The following NTSR1 variants were observed in gnomAD, a reference collection of about 807,000 sequenced individuals.
NTSR1 encodes neurotensin receptor type 1.
A neutral mutation model predicts 31.2 loss-of-function variants in NTSR1; 29 were observed. That is an observed-to-expected ratio of 0.93 (90% CI 0.69 to 1.27). NTSR1 has a LOEUF of 1.27. Among genes scored for constraint, NTSR1 ranks in the 50% most tolerant of loss-of-function variants. NTSR1 has a pLI of 0.00. For synonymous variants in NTSR1, 282 were observed against 269.9 expected, an observed-to-expected ratio of 1.04 and a Z score of -0.44; for missense variants, 697 against 595.4, an observed-to-expected ratio of 1.17 and a Z score of -1.78.
At chr20:62,752,456 G>A (rs913690366) in intron 1 of NTSR1, among the ~76,000 whole-genome samples, 2 of 152,104 alleles carry the variant, frequency 1.3e-5, no homozygotes, top group African/African-American at 4.8e-5. Flanking sequence ...TGGGCAGGTG[G>A]GGGAGGCGGG....
intron 1 of NTSR1, among the ~76,000 whole-genome samples, chr20:62,730,116 G>T (rs1988978435): frequency 6.6e-6 from 1 of 152,144 alleles, no homozygotes; most frequent in African/African-American, 2.4e-5. Flanking sequence ...ATTAAGGAAA[G>T]TCTGCAGTTT....
chr20:62,757,525 G>A (rs961768406), intron 2 of NTSR1, among the ~76,000 whole-genome samples: 11 of 152,286 alleles, frequency 7.2e-5, no homozygotes, highest in East Asian at 3.9e-4. Flanking sequence ...TTGGCTGTCC[G>A]GGATCCTTTG....
At position 62,708,926 on chromosome 20, in the gene NTSR1, A is replaced by C; in HGVS notation, c.-282A>C. ...GGTTTGGAGATCGGAGGCACCTGGAACCCGTGGCAAGCGCCGAGCCGGGAG... is the reference window on the plus strand; with the variant it reads ...GGTTTGGAGATCGGAGGCACCTGGACCCCGTGGCAAGCGCCGAGCCGGGAG... On this transcript the variant is annotated 5_prime_UTR_variant, in exon 1 of 4. Coordinates refer to ENST00000370501, the MANE Select transcript of NTSR1 (RefSeq NM_002531.3). This position sits in a 1 kb window ranked among gnomAD's most constrained non-coding sequence, Gnocchi z 5.9. 1 of 373,526 alleles carries C rather than the reference A, an allele frequency of 2.7e-6. No homozygotes were observed. 23.1% of individuals were successfully genotyped at this position (373,526 alleles called of 1,614,324 possible).
intron 2 of NTSR1, among the ~76,000 whole-genome samples, chr20:62,756,319 G>A (rs1989512449): frequency 6.6e-6 from 1 of 152,236 alleles, no homozygotes; most frequent in African/African-American, 2.4e-5. Flanking sequence ...CTGGAGCAAA[G>A]GCCCTGTGGT....
rs1299651712 is a variant in NTSR1 at position 62,714,457 on chromosome 20, A to G, written c.714+4536A>G. ...GAAGAAGGAGCAGGATGGTCAGAAT[A>G]CCACCCATCAGGTGCAATCCTCATA... On this transcript the variant is annotated intron_variant, in intron 1 of 3. Transcript: ENST00000370501. The surrounding 1 kb of genome is among the most constrained non-coding windows in gnomAD (Gnocchi z 4.1). 1.3e-5 allele frequency among the ~76,000 whole-genome samples: 2 copies of G among 152,226 alleles called. No homozygotes were observed.
intron 1 of NTSR1, among the ~76,000 whole-genome samples, chr20:62,713,533 C>T (rs1291083737): frequency 1.3e-5 from 2 of 152,218 alleles, no homozygotes; most frequent in Non-Finnish European, 2.9e-5. Context: ...GCTCCTGTCC[C>T]GTGCCCCAGG....
At chr20:62,721,094 G>T (rs1033465048) in intron 1 of NTSR1, among the ~76,000 whole-genome samples, 10 of 152,206 alleles carry the variant, frequency 6.6e-5, no homozygotes, top group Admixed American at 6.5e-4. Flanking sequence ...AGCAGAATGT[G>T]CTGTGCTATC....
At chr20:62,746,175 G>T (rs571607771) in intron 1 of NTSR1, among the ~76,000 whole-genome samples, 20 of 152,178 alleles carry the variant, frequency 1.3e-4, no homozygotes, top group Non-Finnish European at 2.2e-4. Flanking sequence ...CACTACCCCA[G>T]CCTGGCCGTC....
rs6010685 is a variant in NTSR1 at position 62,754,879 on chromosome 20, C to T, written c.909C>T (p.Arg303=). ...TCCAGGCCCTGCGGCACGGCGTGCG[C>T]GTCCTACGTACGTAACCTCTGGGCC... ...GRVQALRHGV[R]VLRAVVIAFV... is the part of the protein sequence containing the mutation. Residue 303 remains arginine, a synonymous_variant, in exon 2 of 4, where the codon CGC becomes CGT. Transcript: ENST00000370501. 0.055 allele frequency: 87,781 copies of T among 1,597,692 alleles called. 2,708 individuals carry two copies. The highest frequency in any genetic ancestry group is 0.1 in the African/African-American group (7,724 of 74,860).
chr20:62,738,554 C>G (rs1305285557), intron 1 of NTSR1, among the ~76,000 whole-genome samples: 2 of 152,256 alleles, frequency 1.3e-5, no homozygotes, highest in Non-Finnish European at 2.9e-5. Flanking sequence ...GTACATTTGT[C>G]TCTCTCTAGA....
In NTSR1 at chr20:62,762,082, GT is replaced by G. The variant is rs2147152268; in HGVS notation, c.*1816del. On this transcript the variant is annotated 3_prime_UTR_variant, in exon 4 of 4. Transcript: ENST00000370501. ...AAGAGCTTTGCTGCCAGCCAGGGAT[GT>G]CCAGAGGTCAGTGCAGCCCCTACCC... 6.6e-6 allele frequency: 1 copy of G among 152,456 alleles called. No homozygotes were observed. The highest frequency in any genetic ancestry group is 1.5e-5 in the Non-Finnish European group (1 of 68,140). The allele number at this position is 152,456 out of a possible 1,614,324, so 9.4% of individuals were successfully genotyped here.
rs564543885 is a variant in NTSR1 at position 62,744,076 on chromosome 20, G to C, written c.715-10609G>C. On this transcript the variant is annotated intron_variant, in intron 1 of 3. Coordinates refer to ENST00000370501, the MANE Select transcript of NTSR1 (RefSeq NM_002531.3). This position sits in a 1 kb window ranked among gnomAD's most constrained non-coding sequence, Gnocchi z 4.1. Reference sequence around the variant, plus strand: ...CTCCCCATCAAAATTACACATGCGAGGGGGCAGAGGCCAGGCTGTCCCTCC... The same window carrying C: ...CTCCCCATCAAAATTACACATGCGACGGGGCAGAGGCCAGGCTGTCCCTCC... 2.4e-4 allele frequency among the ~76,000 whole-genome samples: 37 copies of C among 152,274 alleles called. No homozygotes were observed. Among genetic ancestry groups the C allele is most frequent in the African/African-American group, 7.9e-4 (33 of 41,556 alleles).
Position 62,709,094 on chromosome 20 carries a change from C to T in NTSR1, c.-114C>T. 1.1e-6 allele frequency: 1 copy of T among 876,288 alleles called. No homozygotes were observed. Among genetic ancestry groups the T allele is most frequent in the Non-Finnish European group, 1.6e-6 (1 of 633,044 alleles). 54.3% of individuals were successfully genotyped at this position (876,288 alleles called of 1,614,324 possible). On this transcript the variant is annotated 5_prime_UTR_variant, in exon 1 of 4. Coordinates refer to ENST00000370501, the MANE Select transcript of NTSR1 (RefSeq NM_002531.3). ...GGACGGCGCGCCCGCTGGTCTTCGC[C>T]ACGCGCCCTCCCCTGGGCTCCCGTT...
At chr20:62,739,688 A>C (rs956101707) in intron 1 of NTSR1, among the ~76,000 whole-genome samples, 12 of 152,154 alleles carry the variant, frequency 7.9e-5, no homozygotes, top group African/African-American at 2.9e-4. Context: ...GTGTAGAGCC[A>C]GATGTCTGTG....
At chr20:62,746,454 G>A (rs1270936921) in intron 1 of NTSR1, among the ~76,000 whole-genome samples, 3 of 152,218 alleles carry the variant, frequency 2.0e-5, no homozygotes, top group Non-Finnish European at 4.4e-5. Context: ...CAAGACCTCT[G>A]ACGGCAGGGG....
At position 62,718,884 on chromosome 20, in the gene NTSR1, G is replaced by A. The variant is rs1039157081; in HGVS notation, c.714+8963G>A. 3.4e-4 allele frequency among the ~76,000 whole-genome samples: 51 copies of A among 152,128 alleles called. 1 individual carries two copies. The highest frequency in any genetic ancestry group is 2.9e-5 in the Non-Finnish European group (2 of 68,042). ...ATTTTCATTTCTCATGAGTAAATAC[G>A]TAGGTTTCAGATTGCTGGGTCATAC... On this transcript the variant is annotated intron_variant, in intron 1 of 3. Coordinates refer to ENST00000370501, the MANE Select transcript of NTSR1 (RefSeq NM_002531.3).
chr20:62,752,188 T>A (rs1989404413), intron 1 of NTSR1, among the ~76,000 whole-genome samples: 1 of 152,180 alleles, frequency 6.6e-6, no homozygotes, highest in Non-Finnish European at 1.5e-5. Flanking sequence ...CCTCGCTCAG[T>A]CCTCCCCTCA....
intron 3 of NTSR1, 71 bp from the exon 4 acceptor site, chr20:62,759,947 C>T: frequency 1.3e-6 from 2 of 1,524,244 alleles, no homozygotes; most frequent in Non-Finnish European, 1.8e-6. Context: ...CCGCTGTGGC[C>T]CCGGCTGTCA....
chr20:62,759,826 A>G (rs1989582793), intron 3 of NTSR1, among the ~76,000 whole-genome samples, 192 bp from the exon 4 acceptor site: 1 of 151,514 alleles, frequency 6.6e-6, no homozygotes, highest in Non-Finnish European at 1.5e-5. Flanking sequence ...GCACGACGAG[A>G]ACTTGCAGCT....
Sources: allele counts gnomAD v4.1 joint callset (sites outside exome capture counted in the v4.1 genomes callset), GRCh38; gene constraint gnomAD v4.1.1; non-coding constraint Gnocchi (gnomAD v3.1); transcripts MANE v1.5; gene names NCBI Gene and HGNC (gene_info 2026-07-23, HGNC 2026-07-21).